Variants in PTH2R observed in about 807,000 individuals in gnomAD.
The protein encoded by PTH2R is PTH2 receptor.
In PTH2R, 59 loss-of-function variants were observed where a neutral mutation model predicts 60.3. The ratio of observed to expected loss-of-function variants is 0.98; its 90% CI spans 0.79 to 1.22. The LOEUF (loss-of-function observed/expected upper bound fraction) is 1.22, where lower values mean the gene tolerates loss of function less well. Ranked by LOEUF, PTH2R falls within the 50% of genes most tolerant of loss-of-function variation. PTH2R has a pLI of 0.00. For synonymous variants in PTH2R, 256 were observed against 243.8 expected (o/e 1.05, Z -0.47); for missense variants, 749 against 682.6 (o/e 1.10, Z -1.08).
At chr2:208,485,046 GA>G (rs943237469) in intron 10 of PTH2R, among the ~76,000 whole-genome samples, 1 of 152,114 alleles carries the variant, frequency 6.6e-6, no homozygotes, top group African/African-American at 2.4e-5. Context: ...ATAAAATGGG[GA>G]AAGTACCAAC....
At chr2:208,460,263 A>G (rs1382767857) in intron 9 of PTH2R, among the ~76,000 whole-genome samples, 1 of 152,098 alleles carries the variant, frequency 6.6e-6, no homozygotes, top group African/African-American at 2.4e-5. Context: ...TTCATCCACG[A>G]TATTATTTTA....
chr2:208,410,039 G>C (rs920562118), intron 1 of PTH2R, among the ~76,000 whole-genome samples: 1 of 152,068 alleles, frequency 6.6e-6, no homozygotes, highest in African/African-American at 2.4e-5. Context: ...GGAGAACCTT[G>C]GGGGAAAGGT....
At chr2:208,476,703 A>G (rs1703012116) in intron 9 of PTH2R, among the ~76,000 whole-genome samples, 1 of 152,180 alleles carries the variant, frequency 6.6e-6, no homozygotes, top group African/African-American at 2.4e-5. Flanking sequence ...TCTGAGGGAA[A>G]CTAACACATA....
intron 1 of PTH2R, among the ~76,000 whole-genome samples, chr2:208,371,812 A>G (rs1305984463): frequency 6.6e-6 from 1 of 152,120 alleles, no homozygotes; most frequent in Non-Finnish European, 1.5e-5. Context: ...TGACATACTC[A>G]TAATGGGGTA....
chr2:208,397,584 T>C (rs1486359007), intron 1 of PTH2R, among the ~76,000 whole-genome samples: 3 of 152,008 alleles, frequency 2.0e-5, no homozygotes, highest in Non-Finnish European at 1.5e-5. Context: ...GTGGGGGGGC[T>C]CTAAGCTGAA....
At chr2:208,367,972 C>CA (rs2125867830) in intron 1 of PTH2R, among the ~76,000 whole-genome samples, 1 of 152,140 alleles carries the variant, frequency 6.6e-6, no homozygotes, top group East Asian at 1.9e-4. Flanking sequence ...TTAGGGTACT[C>CA]AAAAACTCGT....
intron 9 of PTH2R, among the ~76,000 whole-genome samples, chr2:208,478,976 A>C (rs1205965038): frequency 6.6e-6 from 1 of 152,140 alleles, no homozygotes; most frequent in Non-Finnish European, 1.5e-5. Flanking sequence ...CCCATAGTCT[A>C]TATTTTTCTA....
rs977414428 is a variant in PTH2R at position 208,406,975 on chromosome 2, T to C, written c.-69T>C. ...ACAAGTTTGCTCTGGGCCAGCCAAGTTGGCAACTTGGAAGCTTCTCCCGGG... is the reference window on the plus strand; with the variant it reads ...ACAAGTTTGCTCTGGGCCAGCCAAGCTGGCAACTTGGAAGCTTCTCCCGGG... On this transcript the variant is annotated 5_prime_UTR_variant, in exon 1 of 13. Coordinates refer to ENST00000272847, the MANE Select transcript of PTH2R (RefSeq NM_005048.4). The C allele has an allele frequency of 5.3e-6, 7 of 1,309,076 alleles. No homozygotes were observed. In the African/African-American group the frequency reaches 7.6e-5, roughly 14 times the overall value. The allele number at this position is 1,309,076 out of a possible 1,614,324, so 81.1% of individuals were successfully genotyped here.
intron 8 of PTH2R, among the ~76,000 whole-genome samples, chr2:208,459,519 T>C (rs1212891925): frequency 6.6e-6 from 1 of 152,148 alleles, no homozygotes; most frequent in Admixed American, 6.6e-5. Flanking sequence ...GAGAGAGAAC[T>C]TTCTTTATCA....
chr2:208,450,894 T>C, intron 8 of PTH2R, 85 bp downstream of exon 8: 1 of 1,436,368 alleles, frequency 7.0e-7, no homozygotes, highest in South Asian at 1.2e-5. Flanking sequence ...CTCGCTTCTG[T>C]TCTTGATGCC....
chr2:208,402,869 G>A (rs936647823), upstream of PTH2R, among the ~76,000 whole-genome samples: 6 of 152,162 alleles, frequency 3.9e-5, no homozygotes, highest in South Asian at 2.1e-4. Flanking sequence ...ATGCTAAAGC[G>A]CATTCTATAG....
intron 1 of PTH2R, among the ~76,000 whole-genome samples, chr2:208,413,398 C>A (rs1450034468): frequency 6.6e-6 from 1 of 152,138 alleles, no homozygotes; most frequent in African/African-American, 2.4e-5. Context: ...CCAGAGACAG[C>A]ATTTGACACT....
At chr2:208,415,905 G>T (rs1253824006) in intron 1 of PTH2R, among the ~76,000 whole-genome samples, 1 of 152,152 alleles carries the variant, frequency 6.6e-6, no homozygotes, top group East Asian at 1.9e-4. Flanking sequence ...TTTGATTGTA[G>T]CAGGCATGAA....
intron 1 of PTH2R, among the ~76,000 whole-genome samples, chr2:208,411,244 T>G (rs949066635): frequency 6.6e-6 from 1 of 152,198 alleles, no homozygotes; most frequent in Middle Eastern, 3.2e-3. Context: ...AAGTGGAAAC[T>G]AGGGACTGTC....
intron 1 of PTH2R, among the ~76,000 whole-genome samples, chr2:208,399,997 G>A (rs1701278457): frequency 6.6e-6 from 1 of 151,886 alleles, no homozygotes; most frequent in East Asian, 1.9e-4. Context: ...CTGTCTCTGG[G>A]GCCTTACCCC....
chr2:208,442,473 C>G lies in PTH2R; in HGVS notation c.509+12C>G. 6.4e-7 allele frequency: 1 copy of G among 1,566,230 alleles called. No individual in the cohort carries two copies. Among genetic ancestry groups the G allele is most frequent in the Non-Finnish European group, 8.8e-7 (1 of 1,136,714 alleles). ...ATTGGTTACTTCAGGTGAGTGATGCCCATCACTTTTTCCATGAAGGGGCAC... is the reference window on the plus strand; with the variant it reads ...ATTGGTTACTTCAGGTGAGTGATGCGCATCACTTTTTCCATGAAGGGGCAC... On this transcript the variant is annotated intron_variant, in intron 5 of 12. Coordinates refer to ENST00000272847, the MANE Select transcript of PTH2R (RefSeq NM_005048.4).
intron 1 of PTH2R, among the ~76,000 whole-genome samples, chr2:208,371,667 G>A (rs1047418111): frequency 6.6e-6 from 1 of 152,094 alleles, no homozygotes; most frequent in Non-Finnish European, 1.5e-5. Context: ...AACATTGTTT[G>A]TTAGGGTTGC....
At chr2:208,444,155 T>C (rs1702242648) in intron 6 of PTH2R, among the ~76,000 whole-genome samples, 1 of 152,220 alleles carries the variant, frequency 6.6e-6, no homozygotes, top group Non-Finnish European at 1.5e-5. Context: ...GGGCTGGCAC[T>C]GAGACTTGCT....
intron 4 of PTH2R, among the ~76,000 whole-genome samples, chr2:208,440,414 A>G (rs919680798): frequency 3.3e-5 from 5 of 152,182 alleles, no homozygotes; most frequent in Admixed American, 3.3e-4. Context: ...TTACTATTTT[A>G]TTAAGAGAAA....
Sources: gnomAD v4.1 joint callset for allele counts (sites outside exome capture counted in the v4.1 genomes callset) on GRCh38, gnomAD v4.1.1 for gene constraint, MANE v1.5 for transcripts, NCBI Gene and HGNC (gene_info 2026-07-23, HGNC 2026-07-21) for gene names.